Variants in NFIA observed in about 807,000 individuals in gnomAD.
The protein encoded by NFIA is nuclear factor I A, also known as nuclear factor 1 A-type.
In NFIA, 8 loss-of-function variants were observed where a neutral mutation model predicts 62.8. The observed-to-expected ratio is 0.13, with a 90% CI of 0.07 to 0.23. The LOEUF is 0.23. Ranked by LOEUF, NFIA falls within the 10% of genes least tolerant of loss-of-function variation. The pLI is 1.00. For missense variants in NFIA, 410 were observed against 642.1 expected, an observed-to-expected ratio of 0.64 and a Z score of 3.91; for synonymous variants, 235 against 238.1, an observed-to-expected ratio of 0.99 and a Z score of 0.12.
chr1:61,081,154 C>T (rs1352537260), upstream of NFIA, among the ~76,000 whole-genome samples: 2 of 151,782 alleles, frequency 1.3e-5, no homozygotes, highest in Non-Finnish European at 2.9e-5. Flanking sequence ...ATTTTGCAAA[C>T]CATCATGAGG....
intron 2 of NFIA, among the ~76,000 whole-genome samples, chr1:61,245,270 A>G (rs933336300): frequency 2.0e-5 from 3 of 152,144 alleles, no homozygotes; most frequent in African/African-American, 7.2e-5. Flanking sequence ...TTTGTTTTGT[A>G]AGTATTCATT....
chr1:61,260,435 G>A (rs1432625472), intron 2 of NFIA, among the ~76,000 whole-genome samples: 2 of 152,156 alleles, frequency 1.3e-5, no homozygotes, highest in African/African-American at 4.8e-5. Context: ...GACTGGGTGA[G>A]GACAGAGCTT....
intron 3 of NFIA, among the ~76,000 whole-genome samples, chr1:61,279,791 C>G (rs1427522358): frequency 1.3e-5 from 2 of 152,150 alleles, no homozygotes; most frequent in Non-Finnish European, 2.9e-5. Context: ...CTGGAGCTGC[C>G]TGCAATCCCA....
intron 2 of NFIA, among the ~76,000 whole-genome samples, chr1:61,187,139 G>A (rs1651243666): frequency 6.6e-6 from 1 of 152,146 alleles, no homozygotes; most frequent in African/African-American, 2.4e-5. Context: ...AGATAATTCA[G>A]GTAAAGTGCT....
chr1:61,079,062 G>A (rs1430326208), upstream of NFIA, among the ~76,000 whole-genome samples: 1 of 152,192 alleles, frequency 6.6e-6, no homozygotes, highest in Non-Finnish European at 1.5e-5. Flanking sequence ...CAAGGCTTTA[G>A]GCCTTCCAGT....
chr1:61,394,453 G>A (rs561905370), intron 7 of NFIA, among the ~76,000 whole-genome samples: 7 of 152,188 alleles, frequency 4.6e-5, no homozygotes, highest in African/African-American at 1.4e-4. Context: ...GATTACAGGC[G>A]TGAGCCACCA....
At chr1:61,183,901 C>T (rs1430406372) in intron 2 of NFIA, among the ~76,000 whole-genome samples, 3 of 151,916 alleles carry the variant, frequency 2.0e-5, no homozygotes, top group African/African-American at 4.8e-5. Context: ...CGTACACGTG[C>T]GCAAACTTGG....
At chr1:61,093,321 A>G (rs1346588666) in intron 2 of NFIA, among the ~76,000 whole-genome samples, 2 of 152,076 alleles carry the variant, frequency 1.3e-5, no homozygotes, top group Non-Finnish European at 2.9e-5. Flanking sequence ...TTGGAAAAAG[A>G]ATATACACTG....
chr1:61,240,682 T>C (rs1055844698), intron 2 of NFIA, among the ~76,000 whole-genome samples: 1 of 152,142 alleles, frequency 6.6e-6, no homozygotes, highest in Non-Finnish European at 1.5e-5. Flanking sequence ...TTTTCATATG[T>C]TATAAAATTA....
At chr1:61,311,490 G>A in intron 3 of NFIA, among the ~76,000 whole-genome samples, 1 of 152,170 alleles carries the variant, frequency 6.6e-6, no homozygotes, top group South Asian at 2.1e-4. Context: ...TTTTGGGCAG[G>A]ATACTTTGGT....
chr1:61,336,501 A>G (rs1239551279), intron 4 of NFIA, among the ~76,000 whole-genome samples: 1 of 152,226 alleles, frequency 6.6e-6, no homozygotes, highest in Non-Finnish European at 1.5e-5. Context: ...GTTAAAATTC[A>G]TGAGCCAGTA....
rs2499543 is a variant in NFIA at position 61,462,204 on chromosome 1, G to A, written c.*6884G>A. On this transcript the variant is annotated 3_prime_UTR_variant, in exon 11 of 11. Coordinates refer to ENST00000403491, the MANE Select transcript of NFIA (RefSeq NM_001134673.4). Reference sequence around the variant, plus strand: ...CACTGCGAAGGCATTTGGTAGCCTCGCCACTGAGATACTAACTAGACCTAG... The same window carrying A: ...CACTGCGAAGGCATTTGGTAGCCTCACCACTGAGATACTAACTAGACCTAG... 0.84 allele frequency: 127,985 copies of A among 151,796 alleles called. 54,253 individuals carry two copies. The highest frequency in any genetic ancestry group is 0.92 in the African/African-American group (38,220 of 41,382). 9.4% of individuals were successfully genotyped at this position (151,796 alleles called of 1,614,324 possible). A position where few individuals can be genotyped will look rare whatever the true frequency, so the allele number is the denominator to read the frequency against.
chr1:61,093,912 C>T (rs1306940007), intron 2 of NFIA, among the ~76,000 whole-genome samples: 1 of 152,208 alleles, frequency 6.6e-6, no homozygotes, highest in Non-Finnish European at 1.5e-5. Context: ...TTGTTGTGGT[C>T]ACTGCTGTAC....
intron 9 of NFIA, among the ~76,000 whole-genome samples, chr1:61,417,717 T>C (rs1399542435): frequency 2.0e-5 from 3 of 152,214 alleles, no homozygotes; most frequent in African/African-American, 7.2e-5. Flanking sequence ...GGGGATATAA[T>C]GTCCCTTATC....
chr1:61,330,227 T>G (rs1285686997), intron 3 of NFIA, among the ~76,000 whole-genome samples: 1 of 152,168 alleles, frequency 6.6e-6, no homozygotes, highest in Non-Finnish European at 1.5e-5. Flanking sequence ...AGGAGATAGA[T>G]CTCAGTAAAT....
chr1:61,299,186 G>A lies in NFIA; in HGVS notation c.625+21601G>A, dbSNP rs75607806. On this transcript the variant is annotated intron_variant, in intron 3 of 10. Coordinates refer to ENST00000403491, the MANE Select transcript of NFIA (RefSeq NM_001134673.4). ...TTCCTTCCTTGACAGATTCCCATCC[G>A]GTATCAAGAGGCTCTAAAGATCCCT... 6.3e-4 allele frequency among the ~76,000 whole-genome samples: 96 copies of A among 152,190 alleles called. No homozygotes were observed. In the East Asian group the frequency reaches 0.015, roughly 25 times the overall value.
chr1:61,195,839 T>C (rs1284390080), intron 2 of NFIA, among the ~76,000 whole-genome samples: 2 of 152,168 alleles, frequency 1.3e-5, no homozygotes, highest in African/African-American at 4.8e-5. Context: ...TTTTATTAAC[T>C]TAGTTCTTGT....
At chr1:61,150,121 A>C (rs1171026054) in intron 2 of NFIA, among the ~76,000 whole-genome samples, 1 of 152,220 alleles carries the variant, frequency 6.6e-6, no homozygotes, top group Non-Finnish European at 1.5e-5. Context: ...AAGACCTTTA[A>C]AAAATACACG....
chr1:61,425,005 G>T (rs1201412963), intron 9 of NFIA, among the ~76,000 whole-genome samples: 1 of 152,194 alleles, frequency 6.6e-6, no homozygotes, highest in African/African-American at 2.4e-5. Context: ...CATACATTTA[G>T]ATCATTTTAA....
Sources: gnomAD v4.1 joint callset for allele counts (sites outside exome capture counted in the v4.1 genomes callset) on GRCh38, gnomAD v4.1.1 for gene constraint, MANE v1.5 for transcripts, NCBI Gene and HGNC (gene_info 2026-07-23, HGNC 2026-07-21) for gene names.